Variants in PTPRT observed in about 807,000 individuals in gnomAD.
PTPRT encodes receptor-type tyrosine-protein phosphatase T.
A neutral mutation model predicts 176.8 loss-of-function variants in PTPRT; 56 were observed. The ratio of observed to expected loss-of-function variants is 0.32; its 90% CI spans 0.26 to 0.40. PTPRT has a LOEUF of 0.40. Among genes scored for constraint, PTPRT ranks in the 10% least tolerant of loss-of-function variants. The probability of loss-of-function intolerance (pLI) is 1.00; values close to 1 mark genes in which losing one functional copy is unlikely to be tolerated. For synonymous variants in PTPRT, 783 were observed against 739.0 expected, an observed-to-expected ratio of 1.06 and a Z score of -0.96; for missense variants, 1,540 against 1,908.2, an observed-to-expected ratio of 0.81 and a Z score of 3.60.
chr20:42,321,056 G>A (rs1469030494), intron 11 of PTPRT, among the ~76,000 whole-genome samples: 1 of 152,190 alleles, frequency 6.6e-6, no homozygotes, highest in Non-Finnish European at 1.5e-5. Context: ...GACCATATGA[G>A]ACTTGTGAAA....
At chr20:42,911,593 T>C (rs1978381139) in intron 1 of PTPRT, among the ~76,000 whole-genome samples, 2 of 152,210 alleles carry the variant, frequency 1.3e-5, no homozygotes, top group African/African-American at 4.8e-5. Context: ...TTTATTTATA[T>C]ATAAATCTAT....
At chr20:42,421,519 G>GTAGC (rs1378148039) in intron 9 of PTPRT, among the ~76,000 whole-genome samples, 2 of 152,066 alleles carry the variant, frequency 1.3e-5, no homozygotes, top group Non-Finnish European at 2.9e-5. Context: ...ACATGTGGAG[G>GTAGC]TAGCACATGA....
chr20:42,080,850 G>C lies in PTPRT; in HGVS notation c.*29C>G, dbSNP rs1159578648. The C allele has an allele frequency of 1.9e-6, 3 of 1,594,248 alleles. No individual in the cohort carries two copies. The highest frequency in any genetic ancestry group is 2.6e-6 in the Non-Finnish European group (3 of 1,163,048). ...GGGGGCTTGGTCACAGCAGCCTCTGGACTCCGGCAGGTTCCCCATCCCATT... is the reference window on the plus strand; with the variant it reads ...GGGGGCTTGGTCACAGCAGCCTCTGCACTCCGGCAGGTTCCCCATCCCATT... On this transcript the variant is annotated 3_prime_UTR_variant, in exon 31 of 31. Coordinates refer to ENST00000373187, the MANE Select transcript of PTPRT (RefSeq NM_007050.6).
chr20:42,991,660 T>C (rs1983920972), intron 1 of PTPRT, among the ~76,000 whole-genome samples: 1 of 152,156 alleles, frequency 6.6e-6, no homozygotes, highest in Non-Finnish European at 1.5e-5. Context: ...GCACAACACC[T>C]GAATCTACTT....
At chr20:42,770,092 A>C (rs1421818239) in intron 5 of PTPRT, among the ~76,000 whole-genome samples, 1 of 152,228 alleles carries the variant, frequency 6.6e-6, no homozygotes, top group African/African-American at 2.4e-5. Flanking sequence ...TACTTTAAAC[A>C]TCACATCTCA....
chr20:42,809,329 GTGCCAGGTGTGACTCC>G (rs2077660910), intron 2 of PTPRT, among the ~76,000 whole-genome samples: 1 of 152,078 alleles, frequency 6.6e-6, no homozygotes, highest in Non-Finnish European at 1.5e-5. Context: ...GTGACTCCAG[GTGCCAGGTGTGACTCC>G]TGCCAGGTGT....
chr20:42,730,654 G>T (rs911293074), intron 6 of PTPRT, among the ~76,000 whole-genome samples: 1 of 152,138 alleles, frequency 6.6e-6, no homozygotes, highest in Non-Finnish European at 1.5e-5. Flanking sequence ...TAGTTCTGCT[G>T]CTGGAAGCAC....
the PTPRT span, among the ~76,000 whole-genome samples, chr20:42,053,420 G>C: frequency 6.6e-6 from 1 of 152,110 alleles, no homozygotes; most frequent in African/African-American, 2.4e-5. Context: ...TGTATATTTG[G>C]GAACCTCTGG....
intron 9 of PTPRT, among the ~76,000 whole-genome samples, chr20:42,398,958 G>A (rs2058878041): frequency 1.3e-5 from 2 of 152,184 alleles, no homozygotes; most frequent in Non-Finnish European, 2.9e-5. Context: ...CTGACTGTTG[G>A]TTAGGACACT....
intron 16 of PTPRT, among the ~76,000 whole-genome samples, chr20:42,171,481 C>T (rs1006517174): frequency 2.6e-5 from 4 of 152,160 alleles, no homozygotes; most frequent in Non-Finnish European, 5.9e-5. Flanking sequence ...AGTATATTAT[C>T]TTCTTCACCT....
Position 42,076,386 on chromosome 20 carries a change from T to A in PTPRT, c.*4493A>T, listed in dbSNP as rs1342402654. ...CATTCAGGAATCTGCTGAGTACAGC[T>A]GTGTCCAGCTTCTCTTTTCCCTTTA... On this transcript the variant is annotated 3_prime_UTR_variant, in exon 31 of 31. Coordinates refer to ENST00000373187, the MANE Select transcript of PTPRT (RefSeq NM_007050.6). The A allele has an allele frequency of 5.0e-6, 1 of 198,422 alleles. No homozygotes were observed. Among genetic ancestry groups the A allele is most frequent in the East Asian group, 7.8e-5 (1 of 12,884 alleles). The allele number at this position is 198,422 out of a possible 1,614,324, so 12.3% of individuals were successfully genotyped here. A position where few individuals can be genotyped will look rare whatever the true frequency, so the allele number is the denominator to read the frequency against.
In PTPRT at chr20:42,078,674, C is replaced by T; in HGVS notation, c.*2205G>A. The T allele has an allele frequency of 5.6e-6, 1 of 179,464 alleles. No homozygotes were observed. The highest frequency in any genetic ancestry group is 1.2e-5 in the Non-Finnish European group (1 of 83,682). 11.1% of individuals were successfully genotyped at this position (179,464 alleles called of 1,614,324 possible). On this transcript the variant is annotated 3_prime_UTR_variant, in exon 31 of 31. Coordinates refer to ENST00000373187, the MANE Select transcript of PTPRT (RefSeq NM_007050.6). ...TGGGCATCTGTCTCCTGGACCCTGG[C>T]TCATCTCTTGCTGCTCCCCGTGTTG...
chr20:42,459,453 G>A (rs1053265814), intron 8 of PTPRT, among the ~76,000 whole-genome samples: 2 of 152,162 alleles, frequency 1.3e-5, no homozygotes, highest in East Asian at 1.9e-4. Context: ...AGAATGCAGC[G>A]GCCAGAGCTG....
chr20:43,001,874 AC>A (rs565388084), intron 1 of PTPRT, among the ~76,000 whole-genome samples: 4 of 145,980 alleles, frequency 2.7e-5, no homozygotes, highest in African/African-American at 8.2e-5. Context: ...AAACAAACAA[AC>A]AAACAAAAAA....
At chr20:42,151,951 G>A (rs1568973517) in intron 17 of PTPRT, among the ~76,000 whole-genome samples, 1 of 152,152 alleles carries the variant, frequency 6.6e-6, no homozygotes, top group Non-Finnish European at 1.5e-5. Flanking sequence ...AATCTGTTGG[G>A]AGCCTAAGGT....
At chr20:42,573,576 A>G (rs1432190913) in intron 7 of PTPRT, among the ~76,000 whole-genome samples, 1 of 152,100 alleles carries the variant, frequency 6.6e-6, no homozygotes, top group Non-Finnish European at 1.5e-5. Flanking sequence ...TGACTACCCC[A>G]TGATCTAAGT....
intron 8 of PTPRT, among the ~76,000 whole-genome samples, chr20:42,471,716 T>C (rs2071201404): frequency 6.6e-6 from 1 of 152,030 alleles, no homozygotes; most frequent in Non-Finnish European, 1.5e-5. Context: ...AGTGCAATGG[T>C]GCGATCTCGG....
intron 13 of PTPRT, among the ~76,000 whole-genome samples, chr20:42,257,633 A>AC (rs2056665645): frequency 7.8e-3 from 95 of 12,244 alleles, no homozygotes; most frequent in Non-Finnish European, 9.3e-3. Context: ...AGTGTGTAGC[A>AC]CCTCCCCCCA....
chr20:42,428,306 T>C (rs942883890), intron 9 of PTPRT, among the ~76,000 whole-genome samples: 2 of 152,226 alleles, frequency 1.3e-5, no homozygotes, highest in Non-Finnish European at 2.9e-5. Context: ...GAAGCAGTCA[T>C]CCTGGTGGCC....
Sources: gnomAD v4.1 joint callset for allele counts (sites outside exome capture counted in the v4.1 genomes callset) on GRCh38, gnomAD v4.1.1 for gene constraint, MANE v1.5 for transcripts, NCBI Gene and HGNC (gene_info 2026-07-23, HGNC 2026-07-21) for gene names.